AP3B1: variants seen among roughly 807,000 people sequenced by gnomAD.
AP3B1 encodes the protein AP-3 complex subunit beta-1.
A neutral mutation model predicts 132.5 loss-of-function variants in AP3B1; 61 were observed. The observed-to-expected ratio is 0.46, with a 90% CI of 0.37 to 0.57. AP3B1 has a LOEUF of 0.57. AP3B1 is among the 20% of genes least tolerant of loss of function. The pLI, the probability that AP3B1 is intolerant of heterozygous loss-of-function variation, is 0.00. For synonymous variants in AP3B1, 388 were observed against 438.3 expected (o/e 0.89, Z 1.43); for missense variants, 1,120 against 1,289.4 (o/e 0.87, Z 2.01).
At chr5:78,279,105 A>G (rs868693181) in intron 1 of AP3B1, among the ~76,000 whole-genome samples, 1 of 152,220 alleles carries the variant, frequency 6.6e-6, no homozygotes, top group African/African-American at 2.4e-5. Flanking sequence ...AGCAAGATAC[A>G]TAGAGAATAG....
At chr5:78,085,323 G>A (rs377165468) in intron 22 of AP3B1, among the ~76,000 whole-genome samples, 2 of 151,820 alleles carry the variant, frequency 1.3e-5, no homozygotes, top group African/African-American at 2.4e-5. Flanking sequence ...AACCTTTTTC[G>A]CATATTATCA....
At chr5:78,034,956 G>A (rs975988818) in intron 23 of AP3B1, among the ~76,000 whole-genome samples, 1 of 151,802 alleles carries the variant, frequency 6.6e-6, no homozygotes, top group African/African-American at 2.4e-5. Context: ...GATGCACTCA[G>A]AAATTAATTA....
rs773073407 is a variant in AP3B1 at position 78,294,483 on chromosome 5, C to A, written c.97G>T (p.Ala33Ser). Reference sequence around the variant, plus strand: ...AAATCGCTGCTAAAGAGGCCGAAGGCCCCCGAGGGGGAAATGGTTGAGGTC... The same window carrying A: ...AAATCGCTGCTAAAGAGGCCGAAGGACCCCGAGGGGGAAATGGTTGAGGTC... Reference protein sequence around the residue: ...EATSTISPSGAFGLFSSDLKK... With the variant: ...EATSTISPSGSFGLFSSDLKK... Residue 33 changes from alanine (A) to serine (S), a missense_variant, in exon 1 of 27, where the codon GCC (alanine) becomes TCC (serine). Around this residue, in one of 3 missense-constraint regions of AP3B1, gnomAD observed 85 missense variants for 79.9 expected, o/e 1.06. Coordinates refer to ENST00000255194, the MANE Select transcript of AP3B1 (RefSeq NM_003664.5). 60 of 1,614,130 alleles carry A rather than the reference C, an allele frequency of 3.7e-5. No homozygotes were observed. Among genetic ancestry groups the A allele is most frequent in the Non-Finnish European group, 4.7e-5 (56 of 1,180,062 alleles).
chr5:78,063,012 A>C (rs1749126254), intron 22 of AP3B1, among the ~76,000 whole-genome samples: 1 of 152,186 alleles, frequency 6.6e-6, no homozygotes, highest in South Asian at 2.1e-4. Flanking sequence ...TTATGAATGA[A>C]AAGTTATCAA....
At chr5:78,146,708 A>C (rs1753414935) in intron 14 of AP3B1, among the ~76,000 whole-genome samples, 1 of 152,108 alleles carries the variant, frequency 6.6e-6, no homozygotes, top group Non-Finnish European at 1.5e-5. Context: ...ATACTTTAAA[A>C]ATGGTGATCT....
Position 78,002,919 on chromosome 5 carries a change from C to T in AP3B1, c.3268G>A (p.Val1090Ile). 1 of 1,614,162 alleles carries T rather than the reference C, an allele frequency of 6.2e-7. No homozygotes were observed. Among genetic ancestry groups the T allele is most frequent in the Non-Finnish European group, 8.5e-7 (1 of 1,180,022 alleles). ...TAAGCAGGTTACCCCTGAGACAGGA[C>T]AGGCTTCAGTTCCCGCAGCAGAACA... ...GSVLLRELKP[V>I]LSQG Residue 1090 changes from valine (V) to isoleucine (I), a missense_variant, in exon 27 of 27, where the codon GTC becomes ATC. Val to Ile is a conservative substitution (Grantham distance 29, BLOSUM62 3). Around this residue, in one of 3 missense-constraint regions of AP3B1, gnomAD observed 906 missense variants for 997.1 expected, o/e 0.91. Coordinates refer to ENST00000255194, the MANE Select transcript of AP3B1 (RefSeq NM_003664.5).
chr5:78,176,044 T>C (rs998328766), intron 9 of AP3B1, among the ~76,000 whole-genome samples: 6 of 152,196 alleles, frequency 3.9e-5, no homozygotes, highest in African/African-American at 1.4e-4. Flanking sequence ...ACGTGATTCA[T>C]CATGAAGAAT....
chr5:78,246,216 T>A (rs2112527880), intron 2 of AP3B1, among the ~76,000 whole-genome samples: 1 of 152,346 alleles, frequency 6.6e-6, no homozygotes, highest in South Asian at 2.1e-4. Flanking sequence ...TTATTTTTTT[T>A]CATCCTTCAA....
At chr5:78,124,852 T>C (rs1752393915) in intron 17 of AP3B1, among the ~76,000 whole-genome samples, 1 of 152,226 alleles carries the variant, frequency 6.6e-6, no homozygotes, top group Admixed American at 6.5e-5. Flanking sequence ...ATTAATTTAA[T>C]AACACTAAAT....
intron 15 of AP3B1, among the ~76,000 whole-genome samples, chr5:78,131,463 T>C (rs1347102117): frequency 6.6e-6 from 1 of 152,104 alleles, no homozygotes; most frequent in Non-Finnish European, 1.5e-5. Context: ...CTTGCTTTTA[T>C]GTTAAAAACT....
At chr5:78,096,279 C>T (rs1459876238) in intron 21 of AP3B1, among the ~76,000 whole-genome samples, 1 of 152,216 alleles carries the variant, frequency 6.6e-6, no homozygotes, top group African/African-American at 2.4e-5. Context: ...TCCAGAGGTG[C>T]CGGGATTGCA....
At chr5:78,205,120 C>T (rs906334857) in intron 7 of AP3B1, among the ~76,000 whole-genome samples, 2 of 151,648 alleles carry the variant, frequency 1.3e-5, no homozygotes, top group Admixed American at 1.3e-4. Context: ...TTTAGGAAAC[C>T]CAAAATGACA....
chr5:78,165,175 C>A (rs1224448992), intron 12 of AP3B1, among the ~76,000 whole-genome samples: 1 of 151,916 alleles, frequency 6.6e-6, no homozygotes, highest in African/African-American at 2.4e-5. Context: ...CGTAGTGGGG[C>A]AATTATGAAA....
intron 14 of AP3B1, 56 bp downstream of exon 14, chr5:78,156,202 A>G: frequency 7.7e-7 from 1 of 1,302,168 alleles, no homozygotes; most frequent in Non-Finnish European, 1.1e-6. Flanking sequence ...ATTTATTTTA[A>G]CAAAATTACA....
chr5:78,007,652 G>A (rs193142784), intron 26 of AP3B1, among the ~76,000 whole-genome samples: 3 of 152,274 alleles, frequency 2.0e-5, no homozygotes, highest in Non-Finnish European at 4.4e-5. Flanking sequence ...CAATACCAAA[G>A]TATAGTGATT....
chr5:78,053,472 G>A (rs1458060266), intron 22 of AP3B1, among the ~76,000 whole-genome samples: 1 of 152,010 alleles, frequency 6.6e-6, no homozygotes, highest in Admixed American at 6.6e-5. Context: ...ACGAGGTCAG[G>A]AGTTCGAGAC....
At chr5:78,068,432 AT>A (rs1749387275) in intron 22 of AP3B1, among the ~76,000 whole-genome samples, 1 of 152,208 alleles carries the variant, frequency 6.6e-6, no homozygotes, top group Admixed American at 6.5e-5. Flanking sequence ...ATAATAAAAA[AT>A]AATGAAGGGG....
intron 26 of AP3B1, among the ~76,000 whole-genome samples, chr5:78,004,988 G>C (rs1393810622): frequency 1.3e-5 from 2 of 152,056 alleles, no homozygotes; most frequent in African/African-American, 4.8e-5. Context: ...TCTTTTCTAA[G>C]GCTCCTCACA....
intron 7 of AP3B1, among the ~76,000 whole-genome samples, chr5:78,193,740 T>TATATATATATCTATATC: frequency 2.4e-5 from 1 of 41,732 alleles, no homozygotes; most frequent in East Asian, 3.0e-4. Context: ...TTGTATATAT[T>TATATATATATCTATATC]TTTTTATATA....
Sources: allele counts gnomAD v4.1 joint callset (sites outside exome capture counted in the v4.1 genomes callset), GRCh38; gene constraint gnomAD v4.1.1; regional missense constraint gnomAD v4.1.1; transcripts MANE v1.5; gene names NCBI Gene and HGNC (gene_info 2026-07-23, HGNC 2026-07-21).